The following SOX6 variants were observed in gnomAD, a reference collection of about 807,000 sequenced individuals.
SOX6 encodes the protein SRY-box transcription factor 6, also known as transcription factor SOX-6.
SOX6 carries 11 observed loss-of-function variants against 97.8 expected under a neutral mutation model. That is an observed-to-expected ratio of 0.11 (90% CI 0.07 to 0.19). SOX6 has a LOEUF of 0.19. SOX6 is among the 10% of genes least tolerant of loss of function. The pLI, the probability that SOX6 is intolerant of heterozygous loss-of-function variation, is 1.00. For missense variants in SOX6, 810 were observed against 1,039.5 expected (o/e 0.78, Z 3.04); for synonymous variants, 360 against 371.4 (o/e 0.97, Z 0.35).
At chr11:16,669,294 G>A (rs1046988451) in intron 3 of SOX6, among the ~76,000 whole-genome samples, 1 of 152,178 alleles carries the variant, frequency 6.6e-6, no homozygotes, top group Admixed American at 6.5e-5. Context: ...TGAATGACAG[G>A]GGTTCAATGA....
At chr11:16,047,959 C>G (rs1243044473) in intron 11 of SOX6, among the ~76,000 whole-genome samples, 2 of 151,982 alleles carry the variant, frequency 1.3e-5, no homozygotes, top group Non-Finnish European at 2.9e-5. Context: ...CCAATATCAC[C>G]TGGACGAGAG....
intron 3 of SOX6, chr11:16,315,355 C>T (rs191886948): frequency 6.6e-6 from 1 of 152,038 alleles, no homozygotes; most frequent in East Asian, 1.9e-4. Flanking sequence ...AATTAAGAAT[C>T]CTTGAGTTTT....
intron 3 of SOX6, among the ~76,000 whole-genome samples, chr11:16,664,950 A>G (rs1362886595): frequency 6.6e-6 from 1 of 151,974 alleles, no homozygotes; most frequent in Non-Finnish European, 1.5e-5. Flanking sequence ...ACCTTGGGCC[A>G]GAAGGGAACC....
chr11:16,381,756 C>T (rs980199335), intron 1 of SOX6, among the ~76,000 whole-genome samples: 2 of 151,788 alleles, frequency 1.3e-5, no homozygotes, highest in Non-Finnish European at 2.9e-5. Flanking sequence ...ACTTCCATAT[C>T]TAAAATTTCT....
intron 2 of SOX6, among the ~76,000 whole-genome samples, chr11:16,729,291 G>C (rs565233903): frequency 6.6e-6 from 1 of 152,262 alleles, no homozygotes; most frequent in East Asian, 1.9e-4. Flanking sequence ...ATTCACCAAG[G>C]TTGAAATGAA....
upstream of SOX6, among the ~76,000 whole-genome samples, chr11:16,477,932 A>G (rs1860283760): frequency 6.6e-6 from 1 of 152,082 alleles, no homozygotes; most frequent in African/African-American, 2.4e-5. Flanking sequence ...TTGGTATTAT[A>G]CCCTTTTCTT....
At chr11:16,342,762 G>GA (rs561733709) in intron 1 of SOX6, among the ~76,000 whole-genome samples, 29 of 151,714 alleles carry the variant, frequency 1.9e-4, no homozygotes, top group Admixed American at 7.9e-4. Flanking sequence ...ATCCTACAGT[G>GA]AAAAAAATTA....
chr11:15,967,355 A>C lies in SOX6; in HGVS notation c.*5454T>G, dbSNP rs1005713060. 6.6e-6 allele frequency: 1 copy of C among 152,256 alleles called. No homozygotes were observed. Among genetic ancestry groups the C allele is most frequent in the Non-Finnish European group, 1.5e-5 (1 of 68,052 alleles). The allele number at this position is 152,256 out of a possible 1,614,324, so 9.4% of individuals were successfully genotyped here. A position where few individuals can be genotyped will look rare whatever the true frequency, so the allele number is the denominator to read the frequency against. On this transcript the variant is annotated 3_prime_UTR_variant, in exon 16 of 16. Transcript: ENST00000683767. The stretch of plus-strand genomic sequence containing the variant: ...AGCCCTACACAAACTTTACACTTTG[A>C]AACAGCAGCCAGCATGTCAGTCCAG...
intron 4 of SOX6, among the ~76,000 whole-genome samples, chr11:16,486,493 G>A (rs1410925098): frequency 6.6e-6 from 1 of 151,950 alleles, no homozygotes; most frequent in Non-Finnish European, 1.5e-5. Flanking sequence ...GAGTAGGACT[G>A]GAGAAAAAAA....
intron 1 of SOX6, among the ~76,000 whole-genome samples, chr11:16,473,067 G>A (rs1268174924): frequency 6.6e-6 from 1 of 151,970 alleles, no homozygotes; most frequent in African/African-American, 2.4e-5. Flanking sequence ...TTAATTTCAA[G>A]TACTTTAATA....
chr11:16,072,420 T>A (rs888869444), intron 9 of SOX6, among the ~76,000 whole-genome samples: 1 of 152,040 alleles, frequency 6.6e-6, no homozygotes. Context: ...GAAGAATGAA[T>A]GAAACCTCCA....
intron 6 of SOX6, among the ~76,000 whole-genome samples, chr11:16,159,558 C>A (rs1033667892): frequency 6.6e-6 from 1 of 151,964 alleles, no homozygotes; most frequent in East Asian, 1.9e-4. Flanking sequence ...GGTAAAAAGA[C>A]CTTTATGCAG....
chr11:15,984,017 G>A (rs1162087806), intron 15 of SOX6, among the ~76,000 whole-genome samples: 1 of 152,096 alleles, frequency 6.6e-6, no homozygotes, highest in Non-Finnish European at 1.5e-5. Context: ...CAGTCATTTG[G>A]CATGATGGGG....
chr11:16,683,510 G>T (rs997814983), intron 3 of SOX6, among the ~76,000 whole-genome samples: 5 of 152,190 alleles, frequency 3.3e-5, no homozygotes, highest in African/African-American at 1.2e-4. Context: ...AATAAATGGT[G>T]CTGGGAAAAT....
intron 4 of SOX6, among the ~76,000 whole-genome samples, chr11:16,540,140 T>G (rs988268578): frequency 6.6e-6 from 1 of 152,138 alleles, no homozygotes; most frequent in Non-Finnish European, 1.5e-5. Flanking sequence ...GTCAGCTTCA[T>G]CCCTGGGATG....
chr11:16,204,450 T>C (rs1852020193), intron 4 of SOX6, among the ~76,000 whole-genome samples: 1 of 152,092 alleles, frequency 6.6e-6, no homozygotes, highest in Non-Finnish European at 1.5e-5. Context: ...ATGCCTGGTA[T>C]GTGTATATCT....
intron 3 of SOX6, among the ~76,000 whole-genome samples, chr11:16,688,689 C>T (rs1847987812): frequency 6.6e-6 from 1 of 152,134 alleles, no homozygotes; most frequent in South Asian, 2.1e-4. Context: ...AGAATACCAT[C>T]ATAACTATTA....
At chr11:16,246,802 T>C (rs902215621) in intron 3 of SOX6, among the ~76,000 whole-genome samples, 3 of 152,170 alleles carry the variant, frequency 2.0e-5, no homozygotes, top group Non-Finnish European at 4.4e-5. Flanking sequence ...TAGTTGTATA[T>C]ATTTACAGGT....
chr11:16,544,996 G>T (rs1847600407), intron 4 of SOX6, among the ~76,000 whole-genome samples: 1 of 152,088 alleles, frequency 6.6e-6, no homozygotes, highest in Non-Finnish European at 1.5e-5. Context: ...GCCAAAGCAG[G>T]AGGATCACTT....
Sources: allele counts gnomAD v4.1 joint callset (sites outside exome capture counted in the v4.1 genomes callset), GRCh38; gene constraint gnomAD v4.1.1; transcripts MANE v1.5; gene names NCBI Gene and HGNC (gene_info 2026-07-23, HGNC 2026-07-21).